CENPP: variants seen among roughly 807,000 people sequenced by gnomAD.
The protein encoded by CENPP is centromere protein P.
CENPP carries 24 observed loss-of-function variants against 35.6 expected under a neutral mutation model. The ratio of observed to expected loss-of-function variants is 0.67; its 90% CI spans 0.49 to 0.95. The LOEUF (loss-of-function observed/expected upper bound fraction) is 0.95, where lower values mean the gene tolerates loss of function less well. Among genes scored for constraint, CENPP ranks in the 40% least tolerant of loss-of-function variants. CENPP has a pLI of 0.00. For missense variants in CENPP, 332 were observed against 345.3 expected, an observed-to-expected ratio of 0.96 and a Z score of 0.31; for synonymous variants, 120 against 125.5, an observed-to-expected ratio of 0.96 and a Z score of 0.29.
At chr9:92,458,563 A>C (rs576771960) in intron 5 of CENPP, among the ~76,000 whole-genome samples, 1 of 152,352 alleles carries the variant, frequency 6.6e-6, no homozygotes, top group African/African-American at 2.4e-5. Flanking sequence ...CAGTGTGTTT[A>C]CTTTGTGGAC....
chr9:92,612,946 A>G lies in CENPP; in HGVS notation c.737-73A>G. ...GGAGTGCGGGGTCTTGGTGAGGTCC[A>G]TGCCAGCAGAAAACAAAAGACCAAA... On this transcript the variant is annotated intron_variant, in intron 7 of 7. Transcript: ENST00000375587. 3.8e-6 allele frequency: 6 copies of G among 1,581,952 alleles called. No individual in the cohort carries two copies. In the Admixed American group the frequency reaches 1.0e-4, roughly 27 times the overall value.
At chr9:92,592,408 G>A (rs1187456223) in intron 5 of CENPP, among the ~76,000 whole-genome samples, 1 of 152,098 alleles carries the variant, frequency 6.6e-6, no homozygotes. Flanking sequence ...ATTCTGTGCT[G>A]GCCTTCTTTT....
chr9:92,549,251 T>C (rs771501180), intron 5 of CENPP, among the ~76,000 whole-genome samples: 11 of 152,132 alleles, frequency 7.2e-5, no homozygotes, highest in Non-Finnish European at 1.3e-4. Context: ...AGCAGGCCGA[T>C]TTGGACTTAA....
At chr9:92,594,499 C>T (rs1850731468) in intron 5 of CENPP, among the ~76,000 whole-genome samples, 1 of 152,212 alleles carries the variant, frequency 6.6e-6, no homozygotes, top group African/African-American at 2.4e-5. Flanking sequence ...GATCTTTCAA[C>T]ACTAGAACTA....
chr9:92,530,804 G>T (rs1848706185), intron 5 of CENPP, among the ~76,000 whole-genome samples: 1 of 152,032 alleles, frequency 6.6e-6, no homozygotes, highest in African/African-American at 2.4e-5. Context: ...CCATCACCCA[G>T]GTACTGAGCA....
Position 92,334,085 on chromosome 9 carries a change from G to A in CENPP, c.289+1734G>A, listed in dbSNP as rs549482723. Among the ~76,000 whole-genome samples the A allele has an allele frequency of 8.0e-5, 12 of 150,014 alleles. No individual in the cohort carries two copies. In the South Asian group the frequency reaches 2.1e-3, roughly 26 times the overall value. On this transcript the variant is annotated intron_variant, in intron 2 of 7. Coordinates refer to ENST00000375587, the MANE Select transcript of CENPP (RefSeq NM_001012267.3). ...AAACTAAGTAATGGAATTTGGAGTC[G>A]AAAATTAAGTGTTACTGCAAAGTAA...
intron 5 of CENPP, chr9:92,385,344 A>G (rs1354634059): frequency 3.6e-6 from 1 of 280,576 alleles, no homozygotes; most frequent in Non-Finnish European, 6.6e-6. Flanking sequence ...TTGGGCATTT[A>G]TATAAAAACA....
At chr9:92,499,675 A>G (rs190008695) in intron 5 of CENPP, among the ~76,000 whole-genome samples, 30 of 152,358 alleles carry the variant, frequency 2.0e-4, no homozygotes, top group Non-Finnish European at 3.7e-4. Context: ...TGAATTTTAC[A>G]AAGTCTTCCC....
intron 5 of CENPP, chr9:92,416,914 C>CATT (rs1178922032): frequency 5.6e-6 from 9 of 1,613,850 alleles, no homozygotes; most frequent in Non-Finnish European, 7.6e-6. Flanking sequence ...GGTTGAGCTG[C>CATT]ATTAGTTTTT....
intron 5 of CENPP, among the ~76,000 whole-genome samples, chr9:92,578,768 G>A (rs367556976): frequency 6.6e-6 from 1 of 151,492 alleles, no homozygotes; most frequent in Non-Finnish European, 1.5e-5. Context: ...CACTCTGATG[G>A]TAGTTTCTTT....
At chr9:92,519,537 G>T (rs1007996845) in intron 5 of CENPP, among the ~76,000 whole-genome samples, 1 of 152,198 alleles carries the variant, frequency 6.6e-6, no homozygotes, top group African/African-American at 2.4e-5. Context: ...TTCAAGAAGG[G>T]TGTCAAGACC....
At chr9:92,506,088 T>C (rs1215350935) in intron 5 of CENPP, among the ~76,000 whole-genome samples, 1 of 152,140 alleles carries the variant, frequency 6.6e-6, no homozygotes, top group African/African-American at 2.4e-5. Flanking sequence ...TGGACAGTCA[T>C]TGGAAACATT....
intron 5 of CENPP, among the ~76,000 whole-genome samples, chr9:92,460,227 G>C (rs1845053035): frequency 6.6e-6 from 1 of 151,866 alleles, no homozygotes. Context: ...GTAGAGATGG[G>C]GTTTTACCAT....
intron 5 of CENPP, among the ~76,000 whole-genome samples, chr9:92,546,407 C>T (rs1172042548): frequency 6.6e-6 from 1 of 152,160 alleles, no homozygotes; most frequent in East Asian, 1.9e-4. Context: ...TCTTTGGGTC[C>T]ACGCTGACTT....
At chr9:92,460,623 A>G (rs1372134477) in intron 5 of CENPP, 1 of 1,095,562 alleles carries the variant, frequency 9.1e-7, no homozygotes, top group African/African-American at 1.6e-5. Flanking sequence ...CCAATTGACT[A>G]TTTGTTTACT....
At chr9:92,474,732 G>A in intron 5 of CENPP, 2 of 1,588,610 alleles carry the variant, frequency 1.3e-6, no homozygotes, top group Non-Finnish European at 1.7e-6. Context: ...GTTGGAAAAA[G>A]AGAGTTGTCC....
intron 4 of CENPP, among the ~76,000 whole-genome samples, chr9:92,368,160 A>G (rs190080438): frequency 4.6e-5 from 7 of 152,354 alleles, no homozygotes; most frequent in Middle Eastern, 3.4e-3. Flanking sequence ...TGATGATGCT[A>G]TATAGCCATA....
At chr9:92,532,426 A>G (rs1848855456) in intron 5 of CENPP, among the ~76,000 whole-genome samples, 1 of 152,096 alleles carries the variant, frequency 6.6e-6, no homozygotes, top group Non-Finnish European at 1.5e-5. Context: ...CAAATAGTAC[A>G]TTCTCTTTTC....
At chr9:92,450,260 G>A (rs1053984200) in intron 5 of CENPP, among the ~76,000 whole-genome samples, 18 of 100,776 alleles carry the variant, frequency 1.8e-4, no homozygotes, top group African/African-American at 3.3e-4. Context: ...CCGACCCCAC[G>A]ACAGTCCCCA....
Sources: gnomAD v4.1 joint callset for allele counts (sites outside exome capture counted in the v4.1 genomes callset) on GRCh38, gnomAD v4.1.1 for gene constraint, MANE v1.5 for transcripts, NCBI Gene and HGNC (gene_info 2026-07-23, HGNC 2026-07-21) for gene names.